Variants in CSMD1 observed in about 807,000 individuals in gnomAD.
CSMD1 encodes the protein CUB and sushi domain-containing protein 1.
A neutral mutation model predicts 417.5 loss-of-function variants in CSMD1; 213 were observed. The ratio of observed to expected loss-of-function variants is 0.51; its 90% CI spans 0.46 to 0.57. The LOEUF (loss-of-function observed/expected upper bound fraction) is 0.57. CSMD1 is among the 20% of genes least tolerant of loss of function. CSMD1 has a pLI of 0.00. For synonymous variants in CSMD1, 2,862 were observed against 1,736.8 expected (o/e 1.65, Z -16.11); for missense variants, 6,923 against 4,529.7 (o/e 1.53, Z -15.17).
At chr8:4,331,391 A>G (rs993990345) in intron 3 of CSMD1, among the ~76,000 whole-genome samples, 3 of 152,136 alleles carry the variant, frequency 2.0e-5, no homozygotes, top group Non-Finnish European at 2.9e-5. Context: ...CGAGGTGTCT[A>G]CAGTTTTTCA....
chr8:4,380,585 A>T (rs931304064), intron 3 of CSMD1, among the ~76,000 whole-genome samples: 4 of 152,166 alleles, frequency 2.6e-5, no homozygotes, highest in African/African-American at 9.7e-5. Flanking sequence ...ATGGAATGAG[A>T]ACATTAGGTG....
At chr8:4,249,440 A>C (rs1194307933) in intron 3 of CSMD1, among the ~76,000 whole-genome samples, 1 of 152,140 alleles carries the variant, frequency 6.6e-6, no homozygotes, top group Non-Finnish European at 1.5e-5. Flanking sequence ...GGATCCTATA[A>C]TCACAACCAT....
chr8:3,631,058 C>T (rs1426993965), intron 7 of CSMD1, among the ~76,000 whole-genome samples: 1 of 152,150 alleles, frequency 6.6e-6, no homozygotes, highest in Admixed American at 6.5e-5. Context: ...GCCGCTCCTT[C>T]CACCCAAAAT....
chr8:3,000,402 T>C (rs1807299520), intron 52 of CSMD1, among the ~76,000 whole-genome samples: 1 of 152,068 alleles, frequency 6.6e-6, no homozygotes. Flanking sequence ...TTTCACTTAT[T>C]TTGCTTACCT....
chr8:3,834,661 G>C (rs1013184124), intron 5 of CSMD1, among the ~76,000 whole-genome samples: 1 of 152,136 alleles, frequency 6.6e-6, no homozygotes, highest in East Asian at 1.9e-4. Context: ...AAACCTGATG[G>C]TGGTTTAGGG....
At chr8:3,649,510 A>C (rs554388611) in intron 7 of CSMD1, among the ~76,000 whole-genome samples, 17 of 152,290 alleles carry the variant, frequency 1.1e-4, no homozygotes, top group African/African-American at 2.9e-4. Context: ...TCATGGTGGA[A>C]AGCAAAGGGG....
At chr8:3,668,641 G>C (rs1318862652) in intron 7 of CSMD1, among the ~76,000 whole-genome samples, 3 of 152,124 alleles carry the variant, frequency 2.0e-5, no homozygotes, top group Non-Finnish European at 4.4e-5. Context: ...CCTGAACAGA[G>C]TGTGCAATAT....
At chr8:4,546,397 C>A (rs1317579587) in intron 2 of CSMD1, among the ~76,000 whole-genome samples, 1 of 152,186 alleles carries the variant, frequency 6.6e-6, no homozygotes, top group Non-Finnish European at 1.5e-5. Context: ...GAGGGGGTTT[C>A]TAGAAGATAT....
intron 1 of CSMD1, among the ~76,000 whole-genome samples, chr8:4,753,692 C>A (rs918224645): frequency 6.6e-6 from 1 of 152,150 alleles, no homozygotes; most frequent in Non-Finnish European, 1.5e-5. Context: ...CTCTTCTGAC[C>A]TTCTGCTCCT....
intron 3 of CSMD1, among the ~76,000 whole-genome samples, chr8:4,083,228 C>G (rs1010985269): frequency 2.0e-5 from 3 of 152,142 alleles, no homozygotes; most frequent in Non-Finnish European, 4.4e-5. Context: ...TACAGGCCCA[C>G]CAACAGTGTA....
At chr8:4,746,797 A>G (rs1457449024) in intron 1 of CSMD1, among the ~76,000 whole-genome samples, 1 of 152,202 alleles carries the variant, frequency 6.6e-6, no homozygotes, top group African/African-American at 2.4e-5. Context: ...TACCATCAAA[A>G]GATAACTGTG....
chr8:3,334,769 G>A (rs1463748423), intron 23 of CSMD1, among the ~76,000 whole-genome samples: 1 of 152,200 alleles, frequency 6.6e-6, no homozygotes, highest in Non-Finnish European at 1.5e-5. Context: ...AATTTGCAGA[G>A]TAAGTAGAGT....
chr8:3,303,475 C>G (rs1451054798), intron 25 of CSMD1, among the ~76,000 whole-genome samples: 1 of 152,118 alleles, frequency 6.6e-6, no homozygotes, highest in African/African-American at 2.4e-5. Context: ...AACCTTGATA[C>G]CTTTTTGATA....
intron 5 of CSMD1, among the ~76,000 whole-genome samples, chr8:3,967,900 G>A (rs1179339294): frequency 1.3e-5 from 2 of 151,488 alleles, no homozygotes; most frequent in African/African-American, 4.9e-5. Flanking sequence ...GGGCGCAGTG[G>A]CTCACACGTG....
In CSMD1 at chr8:4,637,310, G is replaced by A. The variant is rs532373624; in HGVS notation, c.302+32C>T. 41 of 1,479,958 alleles carry A rather than the reference G, an allele frequency of 2.8e-5. No homozygotes were observed. The South Asian group carries it at 4.0e-4, about 14-fold the overall frequency. The allele number at this position is 1,479,958 out of a possible 1,614,324, so 91.7% of individuals were successfully genotyped here. On this transcript the variant is annotated intron_variant, in intron 2 of 69. Coordinates refer to ENST00000635120, the MANE Select transcript of CSMD1 (RefSeq NM_033225.6). ...TTCATAATCTGTGTATTCAAACAGT[G>A]CTAACTGTAATATAAAAAGTTGATA...
chr8:4,797,296 G>C (rs893589250), intron 1 of CSMD1, among the ~76,000 whole-genome samples: 1 of 152,156 alleles, frequency 6.6e-6, no homozygotes, highest in African/African-American at 2.4e-5. Context: ...TTAAAACAAT[G>C]ATGCTGCTCT....
chr8:3,980,934 T>G (rs1404550436), intron 5 of CSMD1, among the ~76,000 whole-genome samples: 3 of 152,162 alleles, frequency 2.0e-5, no homozygotes, highest in Non-Finnish European at 4.4e-5. Context: ...ATCCCGCCGT[T>G]CCCAGTGGTT....
intron 2 of CSMD1, among the ~76,000 whole-genome samples, chr8:4,444,346 CAAAAAAAAAAAAAAA>C (rs112028005): frequency 0.018 from 846 of 46,294 alleles, 22 homozygotes; most frequent in African/African-American, 0.055. Context: ...GACTCCATCT[CAAAAAAAAAAAAAAA>C]AAAAAAAAAA....
intron 6 of CSMD1, among the ~76,000 whole-genome samples, chr8:3,732,328 C>T (rs770281003): frequency 6.6e-6 from 1 of 152,300 alleles, no homozygotes; most frequent in East Asian, 1.9e-4. Flanking sequence ...AGTCATTTAA[C>T]CTGTGTGGAT....
Sources: gnomAD v4.1 joint callset for allele counts (sites outside exome capture counted in the v4.1 genomes callset) on GRCh38, gnomAD v4.1.1 for gene constraint, MANE v1.5 for transcripts, NCBI Gene and HGNC (gene_info 2026-07-23, HGNC 2026-07-21) for gene names.